CTNND2: variants seen among roughly 807,000 people sequenced by gnomAD.
The protein encoded by CTNND2 is catenin delta-2.
In CTNND2, 22 loss-of-function variants were observed where a neutral mutation model predicts 144.4. That is an observed-to-expected ratio of 0.15 (90% confidence interval 0.11 to 0.22). The LOEUF is 0.22. Ranked by LOEUF, CTNND2 falls within the 10% of genes least tolerant of loss-of-function variation. The pLI is 1.00. For synonymous variants in CTNND2, 751 were observed against 695.6 expected (o/e 1.08, Z -1.25); for missense variants, 1,353 against 1,618.8 (o/e 0.84, Z 2.82).
intron 3 of CTNND2, among the ~76,000 whole-genome samples, chr5:11,500,254 TG>T (rs1452211090): frequency 3.3e-5 from 5 of 152,292 alleles, no homozygotes; most frequent in Admixed American, 1.3e-4. Context: ...ACAATATGCA[TG>T]GGAGTGTCTG....
At chr5:11,497,641 C>G (rs926141529) in intron 3 of CTNND2, among the ~76,000 whole-genome samples, 3 of 149,000 alleles carry the variant, frequency 2.0e-5, no homozygotes, top group Non-Finnish European at 3.0e-5. Flanking sequence ...TAGACACAGG[C>G]AAAGGTGAAA....
chr5:11,323,506 C>A (rs1378764048), intron 9 of CTNND2, among the ~76,000 whole-genome samples: 1 of 152,148 alleles, frequency 6.6e-6, no homozygotes, highest in Non-Finnish European at 1.5e-5. Context: ...CTCCAAGCAA[C>A]ACCATTCTGA....
chr5:11,127,936 G>C (rs1011624962), intron 12 of CTNND2, among the ~76,000 whole-genome samples: 1 of 111,152 alleles, frequency 9.0e-6, no homozygotes, highest in Non-Finnish European at 1.7e-5. Flanking sequence ...GGAGGCCAGA[G>C]GGTGGACTGT....
In CTNND2 at chr5:11,197,536, C is replaced by G. The variant is rs6873228; in HGVS notation, c.1975+1912G>C. Among the ~76,000 whole-genome samples, 1,114 of 152,236 alleles carry G rather than the reference C, an allele frequency of 7.3e-3. 11 individuals are homozygous for G. The highest frequency in any genetic ancestry group is 0.025 in the African/African-American group (1,049 of 41,542). On this transcript the variant is annotated intron_variant, in intron 11 of 21. Transcript: ENST00000304623. Reference sequence around the variant, plus strand: ...TCCATACATCAAGCAAGCATCCTTCCTACAGCCTGCGTTTCACCAGGAAAA... The same window carrying G: ...TCCATACATCAAGCAAGCATCCTTCGTACAGCCTGCGTTTCACCAGGAAAA...
At chr5:11,656,869 G>A (rs992289034) in intron 2 of CTNND2, among the ~76,000 whole-genome samples, 11 of 152,088 alleles carry the variant, frequency 7.2e-5, no homozygotes, top group East Asian at 5.8e-4. Flanking sequence ...AATCACTTTC[G>A]GCCAGATGGT....
intron 1 of CTNND2, among the ~76,000 whole-genome samples, chr5:11,773,771 A>G (rs1008050775): frequency 5.5e-5 from 8 of 146,586 alleles, no homozygotes; most frequent in Non-Finnish European, 8.9e-5. Context: ...AGATGGTGCC[A>G]CTGCACTCCA....
In CTNND2 at chr5:11,269,510, T is replaced by G. The variant is rs139599660; in HGVS notation, c.1629-32687A>C. Among the ~76,000 whole-genome samples, 517 of 152,332 alleles carry G rather than the reference T, an allele frequency of 3.4e-3. 2 individuals are homozygous for G. Among genetic ancestry groups the G allele is most frequent in the African/African-American group, 0.012 (495 of 41,570 alleles). ...ATTTCAGGCTACATTTGCATTGTATTCATACCTAATATTCAACTGGACCAC... is the reference window on the plus strand; with the variant it reads ...ATTTCAGGCTACATTTGCATTGTATGCATACCTAATATTCAACTGGACCAC... On this transcript the variant is annotated intron_variant, in intron 9 of 21. Coordinates refer to ENST00000304623, the MANE Select transcript of CTNND2 (RefSeq NM_001332.4).
At chr5:11,721,368 T>A (rs917465783) in intron 2 of CTNND2, among the ~76,000 whole-genome samples, 17 of 143,906 alleles carry the variant, frequency 1.2e-4, no homozygotes, top group Non-Finnish European at 9.0e-5. Flanking sequence ...TAAATCTCAA[T>A]AAGCTGTTTT....
rs575640638 is a variant in CTNND2, at chr5:11,794,653, G to A, written c.38-62381C>T. 5.9e-5 allele frequency among the ~76,000 whole-genome samples: 9 copies of A among 152,318 alleles called. No individual in the cohort carries two copies. In the South Asian group the frequency reaches 1.9e-3, roughly 32 times the overall value. ...TGAGTTTTCAACAGGACTGTAAGAT[G>A]ATTAGTTGCAAGCCAGTAGGGAGCA... On this transcript the variant is annotated intron_variant, in intron 1 of 21. Coordinates refer to ENST00000304623, the MANE Select transcript of CTNND2 (RefSeq NM_001332.4).
chr5:11,636,796 C>G (rs574857984), intron 2 of CTNND2, among the ~76,000 whole-genome samples: 30 of 152,284 alleles, frequency 2.0e-4, no homozygotes, highest in African/African-American at 6.5e-4. Context: ...TTAAGACTTG[C>G]ACACTGGAGC....
chr5:11,695,498 G>A (rs191104340), intron 2 of CTNND2, among the ~76,000 whole-genome samples: 116 of 152,144 alleles, frequency 7.6e-4, no homozygotes, highest in Non-Finnish European at 1.3e-3. Flanking sequence ...TCTTTTCCTC[G>A]GTTATAATGG....
intron 1 of CTNND2, among the ~76,000 whole-genome samples, chr5:11,831,646 A>G (rs1305033807): frequency 2.0e-5 from 3 of 151,384 alleles, no homozygotes; most frequent in South Asian, 2.1e-4. Flanking sequence ...CAGCCAGGGC[A>G]ACAGAGGGAG....
intron 9 of CTNND2, among the ~76,000 whole-genome samples, chr5:11,270,940 A>G (rs1745934859): frequency 6.6e-6 from 1 of 152,218 alleles, no homozygotes; most frequent in South Asian, 2.1e-4. Context: ...ATCCTTTAGC[A>G]TTTGGCAATA....
At chr5:11,741,901 T>C (rs111819789) in intron 1 of CTNND2, among the ~76,000 whole-genome samples, 4,154 of 151,342 alleles carry the variant, frequency 0.027, 172 homozygotes, top group African/African-American at 0.094. Flanking sequence ...TTATTTGCAG[T>C]GACCTGGATG....
At chr5:11,364,227 T>C (rs1167293991) in intron 8 of CTNND2, among the ~76,000 whole-genome samples, 3 of 152,252 alleles carry the variant, frequency 2.0e-5, no homozygotes, top group African/African-American at 7.2e-5. Flanking sequence ...TATTAGTGTA[T>C]ATGAAATAAA....
chr5:11,610,113 T>A (rs1372346693), intron 2 of CTNND2, among the ~76,000 whole-genome samples: 4 of 152,174 alleles, frequency 2.6e-5, no homozygotes, highest in African/African-American at 9.7e-5. Flanking sequence ...TAGCTCCCCA[T>A]ACACTGAGTT....
chr5:11,117,606 G>T, intron 12 of CTNND2, 39 bp from the exon 13 acceptor site: 1 of 1,514,350 alleles, frequency 6.6e-7, no homozygotes, highest in Non-Finnish European at 9.2e-7. Flanking sequence ...CTTCACGGTT[G>T]TCACCAAAAG....
At chr5:11,865,903 A>AAAAAAAG in intron 1 of CTNND2, among the ~76,000 whole-genome samples, 1 of 20,208 alleles carries the variant, frequency 4.9e-5, no homozygotes, top group African/African-American at 1.2e-4. Flanking sequence ...TGGAAGAGAC[A>AAAAAAAG]AAAAAAAAAA....
At chr5:11,599,254 A>C (rs1779664713) in intron 2 of CTNND2, among the ~76,000 whole-genome samples, 1 of 152,186 alleles carries the variant, frequency 6.6e-6, no homozygotes, top group African/African-American at 2.4e-5. Context: ...TGTATGGGAC[A>C]ATCTACTTAG....
Sources: allele counts gnomAD v4.1 joint callset (sites outside exome capture counted in the v4.1 genomes callset), GRCh38; gene constraint gnomAD v4.1.1; transcripts MANE v1.5; gene names NCBI Gene and HGNC (gene_info 2026-07-23, HGNC 2026-07-21).